SSBP2: variants seen among roughly 807,000 people sequenced by gnomAD.
SSBP2 encodes single stranded DNA binding protein 2.
In SSBP2, 17 loss-of-function variants were observed where a neutral mutation model predicts 61.8. The ratio of observed to expected loss-of-function variants is 0.28; its 90% confidence interval spans 0.19 to 0.41. The LOEUF (loss-of-function observed/expected upper bound fraction) is 0.41. SSBP2 is among the 10% of genes least tolerant of loss of function. The probability of loss-of-function intolerance (pLI) is 1.00; values close to 1 mark genes in which losing one functional copy is unlikely to be tolerated. For missense variants in SSBP2, 310 were observed against 458.7 expected (o/e 0.68, Z 2.96); for synonymous variants, 139 against 141.3 (o/e 0.98, Z 0.12).
intron 3 of SSBP2, among the ~76,000 whole-genome samples, chr5:81,627,834 C>T (rs927829399): frequency 4.0e-5 from 6 of 151,888 alleles, no homozygotes; most frequent in African/African-American, 7.3e-5. Flanking sequence ...GAAGCAGAGG[C>T]GAGTGAGTCT....
chr5:81,582,518 T>C (rs1252373916), intron 4 of SSBP2, among the ~76,000 whole-genome samples: 1 of 152,234 alleles, frequency 6.6e-6, no homozygotes, highest in Non-Finnish European at 1.5e-5. Flanking sequence ...GATATAATAA[T>C]GATAAAAATC....
chr5:81,750,643 A>C, intron 1 of SSBP2: 1 of 191,398 alleles, frequency 5.2e-6, no homozygotes, highest in South Asian at 6.5e-5. Flanking sequence ...GGAGCCCCGG[A>C]CCCCAGCTCT....
chr5:81,434,692 T>A (rs1279417091), intron 15 of SSBP2, among the ~76,000 whole-genome samples: 1 of 148,812 alleles, frequency 6.7e-6, no homozygotes, highest in Non-Finnish European at 1.5e-5. Context: ...GTCAAGGCTG[T>A]CTTTTGATTC....
intron 1 of SSBP2, among the ~76,000 whole-genome samples, chr5:81,696,872 A>T (rs192273546): frequency 1.2e-3 from 176 of 152,298 alleles, no homozygotes; most frequent in Non-Finnish European, 2.0e-3. Flanking sequence ...GCAGCACCGT[A>T]TTCCTCACCT....
chr5:81,670,194 C>T (rs917687658), intron 1 of SSBP2, among the ~76,000 whole-genome samples: 14 of 152,116 alleles, frequency 9.2e-5, no homozygotes, highest in African/African-American at 3.4e-4. Flanking sequence ...AATGTAGGTT[C>T]ATCAATTATA....
chr5:81,432,792 T>G, intron 15 of SSBP2, among the ~76,000 whole-genome samples: 1 of 123,328 alleles, frequency 8.1e-6, no homozygotes. Context: ...AGCTGCCCCG[T>G]CCGGGAGGGA....
chr5:81,611,686 G>C (rs1745461099), intron 4 of SSBP2, among the ~76,000 whole-genome samples: 1 of 151,798 alleles, frequency 6.6e-6, no homozygotes, highest in Non-Finnish European at 1.5e-5. Flanking sequence ...ACCAGAAACT[G>C]GATTATAATT....
intron 15 of SSBP2, among the ~76,000 whole-genome samples, chr5:81,437,037 T>A (rs1035275672): frequency 1.3e-5 from 2 of 152,174 alleles, no homozygotes; most frequent in East Asian, 3.8e-4. Context: ...CTTTATGATA[T>A]ATAATAACCA....
At chr5:81,648,899 T>C (rs184848272) in intron 2 of SSBP2, among the ~76,000 whole-genome samples, 516 of 152,144 alleles carry the variant, frequency 3.4e-3, no homozygotes, top group Admixed American at 6.6e-3. Context: ...ATATTATCAC[T>C]TCAATGTATG....
At chr5:81,488,038 T>TC (rs1766537542) in intron 6 of SSBP2, among the ~76,000 whole-genome samples, 3 of 35,472 alleles carry the variant, frequency 8.5e-5, no homozygotes, top group African/African-American at 1.1e-3. Flanking sequence ...TATATATATA[T>TC]ATATATATAT....
chr5:81,488,967 C>A (rs1466849390), intron 6 of SSBP2, among the ~76,000 whole-genome samples: 3 of 152,006 alleles, frequency 2.0e-5, no homozygotes, highest in Admixed American at 6.6e-5. Flanking sequence ...GGGTTGCCGG[C>A]CACATATGGT....
chr5:81,436,185 CAAAAAA>C (rs34499225), intron 15 of SSBP2, among the ~76,000 whole-genome samples: 227 of 54,566 alleles, frequency 4.2e-3, no homozygotes, highest in African/African-American at 0.015. Context: ...AAGACTCCAT[CAAAAAA>C]AAAAAAAAAA....
chr5:81,446,975 C>G (rs934748324), intron 11 of SSBP2, 53 bp from the exon 12 acceptor site: 69 of 1,346,690 alleles, frequency 5.1e-5, no homozygotes, highest in Non-Finnish European at 7.1e-5. Flanking sequence ...TAAGAAAAAA[C>G]AGAAGTTAGA....
chr5:81,612,027 CA>C (rs955063685), intron 4 of SSBP2, among the ~76,000 whole-genome samples: 16 of 151,970 alleles, frequency 1.1e-4, no homozygotes, highest in African/African-American at 3.9e-4. Context: ...AAAAATAAAG[CA>C]AAAAGGGGAG....
intron 3 of SSBP2, among the ~76,000 whole-genome samples, chr5:81,627,598 T>C (rs935773177): frequency 6.6e-6 from 1 of 152,230 alleles, no homozygotes. Context: ...AGTGCTAGCA[T>C]ACTACAAGAT....
chr5:81,445,284 T>C, intron 12 of SSBP2, among the ~76,000 whole-genome samples: 1 of 148,942 alleles, frequency 6.7e-6, no homozygotes, highest in South Asian at 2.1e-4. Flanking sequence ...GGCTGAGTAT[T>C]AGAGGAGTGA....
Position 81,448,848 on chromosome 5 carries a change from A to T in SSBP2, c.688-23T>A, listed in dbSNP as rs554270213. On this transcript the variant is annotated intron_variant, in intron 10 of 16. Coordinates refer to ENST00000320672, the MANE Select transcript of SSBP2 (RefSeq NM_012446.5). ...TATCTGGAACACGAATAGGACAAAA[A>T]AATTTTTGATTCATGTAGCAATATG... is the stretch of plus-strand genomic sequence containing the variant. 2.5e-6 allele frequency: 4 copies of T among 1,607,394 alleles called. No individual in the cohort carries two copies. In the South Asian group the frequency reaches 3.3e-5, roughly 13 times the overall value.
intron 1 of SSBP2, among the ~76,000 whole-genome samples, chr5:81,657,365 T>C (rs1481794892): frequency 6.6e-6 from 1 of 152,198 alleles, no homozygotes; most frequent in Non-Finnish European, 1.5e-5. Flanking sequence ...ATACATGTGA[T>C]GGGGAAATAT....
Position 81,681,827 on chromosome 5 carries a change from GCTAA to G in SSBP2, c.63-31492_63-31489del, listed in dbSNP as rs1430650331. Among the ~76,000 whole-genome samples the G allele has an allele frequency of 3.3e-5, 5 of 152,102 alleles. No individual in the cohort carries two copies. In the East Asian group the frequency reaches 5.8e-4, roughly 18 times the overall value. On this transcript the variant is annotated intron_variant, in intron 1 of 16. Transcript: ENST00000320672. ...AATAAAATTGATAAGCCTCTAGCAA[GCTAA>G]CTGACAAAAAAAGAGAAGACAAGTT...
Sources: gnomAD v4.1 joint callset for allele counts (sites outside exome capture counted in the v4.1 genomes callset) on GRCh38, gnomAD v4.1.1 for gene constraint, MANE v1.5 for transcripts, NCBI Gene and HGNC (gene_info 2026-07-23, HGNC 2026-07-21) for gene names.